The following TRDMT1 variants were observed in gnomAD, a reference collection of about 807,000 sequenced individuals.
TRDMT1 encodes the protein tRNA (cytosine(38)-C(5))-methyltransferase.
In TRDMT1, 49 loss-of-function variants were observed where a neutral mutation model predicts 51.2. The observed-to-expected ratio is 0.96, with a 90% CI of 0.76 to 1.21. TRDMT1 has a LOEUF of 1.21. Among genes scored for constraint, TRDMT1 ranks in the 50% most tolerant of loss-of-function variants. The pLI is 0.00. For missense variants in TRDMT1, 534 were observed against 462.3 expected (o/e 1.16, Z -1.42); for synonymous variants, 187 against 164.6 (o/e 1.14, Z -1.04).
chr10:17,148,236 T>G lies in TRDMT1; in HGVS notation c.*804A>C. ...GGGAGGGGAGTACTGTCATATGACA[T>G]GGGATCAGAGGGCAGCTTCCTCCCT... On this transcript the variant is annotated 3_prime_UTR_variant, in exon 11 of 11. Transcript: ENST00000377799. The G allele has an allele frequency of 1.0e-6, 1 of 985,380 alleles. No homozygotes were observed. The highest frequency in any genetic ancestry group is 1.2e-6 in the Non-Finnish European group (1 of 829,930). 61.0% of individuals were successfully genotyped at this position (985,380 alleles called of 1,614,324 possible).
chr10:17,162,767 T>C (rs1183567513), intron 3 of TRDMT1, among the ~76,000 whole-genome samples: 4 of 152,196 alleles, frequency 2.6e-5, no homozygotes, highest in African/African-American at 9.6e-5. Flanking sequence ...CACTTGAACC[T>C]GGAAGGCAGA....
At position 17,145,085 on chromosome 10, in the gene TRDMT1, A is replaced by G; in HGVS notation, c.*3955T>C. The G allele has an allele frequency of 1.5e-6, 1 of 657,750 alleles. No homozygotes were observed. Among genetic ancestry groups the G allele is most frequent in the Non-Finnish European group, 1.9e-6 (1 of 530,810 alleles). 40.7% of individuals were successfully genotyped at this position (657,750 alleles called of 1,614,324 possible). On this transcript the variant is annotated 3_prime_UTR_variant, in exon 11 of 11. Coordinates refer to ENST00000377799, the MANE Select transcript of TRDMT1 (RefSeq NM_004412.7). ...GCCAACATGGTGAAACCCGATCTCT[A>G]CTAATACAAAAATTAGCTAGGTGTG...
In TRDMT1 at chr10:17,138,006, T is replaced by C. The variant is rs540330710; in HGVS notation, c.*11034A>G. Reference sequence around the variant, plus strand: ...TTTATCTTGAGTGCAATAATCCTTATGTGATATTTCTGCTAGGCCAGCTGA... The same window carrying C: ...TTTATCTTGAGTGCAATAATCCTTACGTGATATTTCTGCTAGGCCAGCTGA... On this transcript the variant is annotated 3_prime_UTR_variant, in exon 11 of 11. Transcript: ENST00000377799. Among the ~76,000 whole-genome samples, 2 of 152,304 alleles carry C rather than the reference T, an allele frequency of 1.3e-5. No homozygotes were observed. The highest frequency in any genetic ancestry group is 3.9e-4 in the East Asian group (2 of 5,178).
chr10:17,153,379 G>T, intron 10 of TRDMT1, 128 bp downstream of exon 10: 5 of 1,069,832 alleles, frequency 4.7e-6, no homozygotes, highest in Non-Finnish European at 5.3e-6. Flanking sequence ...TGCCATAAAT[G>T]GCATGATCAG....
chr10:17,158,267 GAGT>G (rs1170580983), intron 7 of TRDMT1, among the ~76,000 whole-genome samples: 2 of 152,118 alleles, frequency 1.3e-5, no homozygotes, highest in Non-Finnish European at 2.9e-5. Context: ...TTCTACTCAT[GAGT>G]CCTATGGGAA....
chr10:17,197,272 T>C (rs910989228), intron 1 of TRDMT1, among the ~76,000 whole-genome samples: 1 of 152,086 alleles, frequency 6.6e-6, no homozygotes. Context: ...GTAACCTCAA[T>C]AGTAAGCTAG....
At chr10:17,163,947 A>G (rs1309411252) in intron 3 of TRDMT1, among the ~76,000 whole-genome samples, 7 of 152,128 alleles carry the variant, frequency 4.6e-5, no homozygotes, top group African/African-American at 1.4e-4. Context: ...GTACAAAGAG[A>G]AGCTGGTACC....
chr10:17,170,027 C>G lies in TRDMT1; in HGVS notation c.175-1110G>C, dbSNP rs181092934. ...CATACAGGGCCATTATGATAAGCAA[C>G]TGGACGTGGAATGATAACAGCTAAA... On this transcript the variant is annotated intron_variant, in intron 2 of 10. Coordinates refer to ENST00000377799, the MANE Select transcript of TRDMT1 (RefSeq NM_004412.7). Among the ~76,000 whole-genome samples, 40 of 152,218 alleles carry G rather than the reference C, an allele frequency of 2.6e-4. No individual in the cohort carries two copies. In the East Asian group the frequency reaches 6.0e-3, roughly 23 times the overall value.
chr10:17,183,328 G>T (rs1843501998), intron 1 of TRDMT1, among the ~76,000 whole-genome samples: 3 of 152,162 alleles, frequency 2.0e-5, no homozygotes, highest in Admixed American at 6.5e-5. Context: ...ATCCCCTGGT[G>T]GTGAGATTTG....
In TRDMT1 at chr10:17,161,820, C is replaced by G. The variant is rs986186643; in HGVS notation, c.324-272G>C. 2.0e-5 allele frequency among the ~76,000 whole-genome samples: 3 copies of G among 152,236 alleles called. No homozygotes were observed. The South Asian group carries it at 6.2e-4, about 32-fold the overall frequency. ...GCCTCTGTGGTGTCAACTGAAAGGG[C>G]GGCTACTCACATAGAAGGGTGGCTT... On this transcript the variant is annotated intron_variant, in intron 4 of 10. Transcript: ENST00000377799.
intron 1 of TRDMT1, among the ~76,000 whole-genome samples, chr10:17,198,653 T>C (rs1196090739): frequency 6.6e-6 from 1 of 152,080 alleles, no homozygotes. Context: ...GGAAAGGGAA[T>C]TTGGAGTTAT....
At chr10:17,184,041 C>T (rs1046724068) in intron 1 of TRDMT1, among the ~76,000 whole-genome samples, 1 of 152,206 alleles carries the variant, frequency 6.6e-6, no homozygotes, top group Non-Finnish European at 1.5e-5. Context: ...TTCTAAAGAT[C>T]ATCAAGTAGC....
At position 17,147,811 on chromosome 10, in the gene TRDMT1, T is replaced by G. The variant is rs188844079; in HGVS notation, c.*1229A>C. The stretch of plus-strand genomic sequence containing the variant: ...TATCTGTTCAAGTCCCTGCTTTCAA[T>G]TCTTTTGGATCTATAGCCAGAGGTG... On this transcript the variant is annotated 3_prime_UTR_variant, in exon 11 of 11. Transcript: ENST00000377799. 2 of 192,724 alleles carry G rather than the reference T, an allele frequency of 1.0e-5. No homozygotes were observed. The highest frequency in any genetic ancestry group is 1.3e-4 in the Admixed American group (2 of 15,322). The allele number at this position is 192,724 out of a possible 1,614,324, so 11.9% of individuals were successfully genotyped here. A position where few individuals can be genotyped will look rare whatever the true frequency, so the allele number is the denominator to read the frequency against.
chr10:17,193,517 C>G (rs1473554618), intron 1 of TRDMT1, among the ~76,000 whole-genome samples: 2 of 152,078 alleles, frequency 1.3e-5, no homozygotes, highest in Non-Finnish European at 1.5e-5. Flanking sequence ...AAATAATGTT[C>G]AAACTGAGAG....
chr10:17,147,402 C>T lies in TRDMT1; in HGVS notation c.*1638G>A, dbSNP rs1838214195. 1 of 915,630 alleles carries T rather than the reference C, an allele frequency of 1.1e-6. No individual in the cohort carries two copies. Among genetic ancestry groups the T allele is most frequent in the Admixed American group, 6.2e-5 (1 of 16,166 alleles). 56.7% of individuals were successfully genotyped at this position (915,630 alleles called of 1,614,324 possible). A position where few individuals can be genotyped will look rare whatever the true frequency, so the allele number is the denominator to read the frequency against. ...ATTTTTTCAATTGCAGTAAAATATACATAATGTAAAATTTATCATTTTAAC... is the reference window on the plus strand; with the variant it reads ...ATTTTTTCAATTGCAGTAAAATATATATAATGTAAAATTTATCATTTTAAC... On this transcript the variant is annotated 3_prime_UTR_variant, in exon 11 of 11. Transcript: ENST00000377799.
chr10:17,150,304 G>T, intron 10 of TRDMT1: 3 of 796,832 alleles, frequency 3.8e-6, no homozygotes, highest in Non-Finnish European at 4.6e-6. Context: ...TCAAATCCTT[G>T]CCCATTTTAA....
intron 3 of TRDMT1, among the ~76,000 whole-genome samples, chr10:17,167,907 T>A (rs926598680): frequency 3.3e-5 from 5 of 152,216 alleles, no homozygotes; most frequent in African/African-American, 1.2e-4. Flanking sequence ...CTTAGGTAAG[T>A]ATAAAAGAGG....
At position 17,144,348 on chromosome 10, in the gene TRDMT1, T is replaced by C. The variant is rs1451609321; in HGVS notation, c.*4692A>G. ...ATATTTGAAGTAAACACTGAAGCCA[T>C]GCTAGGTACAAGCAAAGAAATGAAA... On this transcript the variant is annotated 3_prime_UTR_variant, in exon 11 of 11. Coordinates refer to ENST00000377799, the MANE Select transcript of TRDMT1 (RefSeq NM_004412.7). 3.0e-6 allele frequency: 3 copies of C among 985,346 alleles called. No homozygotes were observed. The highest frequency in any genetic ancestry group is 3.6e-6 in the Non-Finnish European group (3 of 829,930). The allele number at this position is 985,346 out of a possible 1,614,324, so 61.0% of individuals were successfully genotyped here.
chr10:17,148,835 T>G lies in TRDMT1; in HGVS notation c.*205A>C. The stretch of plus-strand genomic sequence containing the variant: ...ATGAAAATATACTCTCCATAAAGCA[T>G]AACAATAGTTCGTATTTTATAAAAT... On this transcript the variant is annotated 3_prime_UTR_variant, in exon 11 of 11. Coordinates refer to ENST00000377799, the MANE Select transcript of TRDMT1 (RefSeq NM_004412.7). The G allele has an allele frequency of 8.5e-7, 1 of 1,171,278 alleles. No homozygotes were observed. The highest frequency in any genetic ancestry group is 1.6e-5 in the African/African-American group (1 of 63,416). The allele number at this position is 1,171,278 out of a possible 1,614,324, so 72.6% of individuals were successfully genotyped here.
Sources: allele counts gnomAD v4.1 joint callset (sites outside exome capture counted in the v4.1 genomes callset), GRCh38; gene constraint gnomAD v4.1.1; transcripts MANE v1.5; gene names NCBI Gene and HGNC (gene_info 2026-07-23, HGNC 2026-07-21).